The following DLGAP2 variants were observed in gnomAD, a reference collection of about 807,000 sequenced individuals.
DLGAP2 encodes disks large-associated protein 2.
Under a neutral mutation model 100.3 loss-of-function variants are expected in DLGAP2, and 26 were observed. That is an observed-to-expected ratio of 0.26 (90% CI 0.19 to 0.36). The LOEUF (loss-of-function observed/expected upper bound fraction) is 0.36, where lower values mean the gene tolerates loss of function less well. Among genes scored for constraint, DLGAP2 ranks in the 10% least tolerant of loss-of-function variants. The probability of loss-of-function intolerance (pLI) is 1.00; values close to 1 mark genes in which losing one functional copy is unlikely to be tolerated. For synonymous variants in DLGAP2, 886 were observed against 630.1 expected (o/e 1.41, Z -6.08); for missense variants, 1,858 against 1,453.2 (o/e 1.28, Z -4.53).
intron 1 of DLGAP2, among the ~76,000 whole-genome samples, chr8:749,345 A>T (rs1470232291): frequency 6.6e-6 from 1 of 152,232 alleles, no homozygotes; most frequent in Non-Finnish European, 1.5e-5. Context: ...AAGCTAATTA[A>T]TATATTACAA....
chr8:941,065 T>C (rs995261748), intron 2 of DLGAP2, among the ~76,000 whole-genome samples: 1 of 152,154 alleles, frequency 6.6e-6, no homozygotes, highest in Non-Finnish European at 1.5e-5. Context: ...AGCTCAGCAG[T>C]GTGCTTTCAG....
chr8:866,223 C>G (rs1023211253), intron 1 of DLGAP2, among the ~76,000 whole-genome samples: 1 of 152,192 alleles, frequency 6.6e-6, no homozygotes, highest in African/African-American at 2.4e-5. Context: ...GCTTCTTACC[C>G]CAGGCCTGTC....
At chr8:1,599,654 T>C (rs1225969443) in intron 6 of DLGAP2, among the ~76,000 whole-genome samples, 1 of 152,182 alleles carries the variant, frequency 6.6e-6, no homozygotes, top group African/African-American at 2.4e-5. Context: ...TTTTAGATCG[T>C]TGTTGACTTA....
chr8:1,184,064 G>A (rs1436561227), intron 2 of DLGAP2, among the ~76,000 whole-genome samples: 4 of 152,194 alleles, frequency 2.6e-5, no homozygotes, highest in Non-Finnish European at 5.9e-5. Flanking sequence ...GAAAGGCTTT[G>A]GGGAAGCAGT....
intron 1 of DLGAP2, among the ~76,000 whole-genome samples, chr8:776,940 G>T (rs1821536234): frequency 6.6e-6 from 1 of 152,152 alleles, no homozygotes; most frequent in African/African-American, 2.4e-5. Context: ...GTCTAATGTT[G>T]ACAGTGGGGT....
chr8:1,262,297 G>C (rs1322604310), intron 3 of DLGAP2: 2 of 152,138 alleles, frequency 1.3e-5, no homozygotes, highest in Non-Finnish European at 2.9e-5. Context: ...ATCTCAATAT[G>C]CAAATTACTT....
intron 1 of DLGAP2, among the ~76,000 whole-genome samples, chr8:856,920 C>T (rs187470611): frequency 7.2e-5 from 11 of 152,322 alleles, no homozygotes; most frequent in Non-Finnish European, 1.3e-4. Flanking sequence ...CAAGTTAACA[C>T]AGTATTTAAG....
intron 6 of DLGAP2, among the ~76,000 whole-genome samples, chr8:1,624,047 A>G (rs1201065681): frequency 1.3e-5 from 2 of 151,810 alleles, no homozygotes; most frequent in Non-Finnish European, 2.9e-5. Flanking sequence ...CTCAGAGGTG[A>G]TCCCTTCGTT....
intron 3 of DLGAP2, among the ~76,000 whole-genome samples, chr8:1,384,278 T>C (rs12682491): frequency 0.52 from 71,424 of 136,688 alleles, 19,360 homozygotes; most frequent in East Asian, 0.7. Flanking sequence ...GTCGCTGCAC[T>C]CTCCTCTGCC....
intron 2 of DLGAP2, among the ~76,000 whole-genome samples, chr8:1,027,700 C>T (rs1169371381): frequency 1.4e-5 from 2 of 142,576 alleles, no homozygotes; most frequent in African/African-American, 5.3e-5. Flanking sequence ...CGTTATTCTC[C>T]AGGTGGGGTG....
intron 3 of DLGAP2, among the ~76,000 whole-genome samples, chr8:1,431,799 G>T (rs759495989): frequency 1.3e-5 from 2 of 152,160 alleles, no homozygotes; most frequent in East Asian, 1.9e-4. Context: ...ACACTGATGC[G>T]TGCATGACAG....
intron 2 of DLGAP2, among the ~76,000 whole-genome samples, chr8:945,565 TCAGCC>T (rs1448877943): frequency 6.6e-6 from 1 of 152,160 alleles, no homozygotes; most frequent in African/African-American, 2.4e-5. Context: ...CTCTTCTTAC[TCAGCC>T]CGGAGAACAG....
intron 8 of DLGAP2, among the ~76,000 whole-genome samples, chr8:1,665,441 T>C (rs766145968): frequency 6.6e-6 from 1 of 152,248 alleles, no homozygotes; most frequent in Non-Finnish European, 1.5e-5. Context: ...ATATGTGCCA[T>C]CGTTCACTGC....
chr8:1,496,633 A>G (rs979017711), intron 3 of DLGAP2, among the ~76,000 whole-genome samples: 2 of 152,118 alleles, frequency 1.3e-5, no homozygotes, highest in Non-Finnish European at 1.5e-5. Context: ...AAGGGCCATC[A>G]CAGACCCTCT....
chr8:1,308,447 A>G lies in DLGAP2; in HGVS notation c.106+49564A>G, dbSNP rs143766282. The stretch of plus-strand genomic sequence containing the variant: ...AGCCCCTTCTAATATCCAAGTGTCC[A>G]GTTTTCAACAAAATGACTAAAAGAC... On this transcript the variant is annotated intron_variant, in intron 3 of 14. Coordinates refer to ENST00000637795, the MANE Select transcript of DLGAP2 (RefSeq NM_001346810.2). Among the ~76,000 whole-genome samples the G allele has an allele frequency of 5.8e-3, 882 of 152,358 alleles. 6 individuals carry two copies. The highest frequency in any genetic ancestry group is 0.021 in the African/African-American group (854 of 41,580).
intron 4 of DLGAP2, among the ~76,000 whole-genome samples, chr8:1,530,337 G>A (rs1800946596): frequency 6.6e-6 from 1 of 152,170 alleles, no homozygotes; most frequent in Non-Finnish European, 1.5e-5. Flanking sequence ...GCTTTTGAAA[G>A]AAGAGAAATA....
At chr8:1,163,272 G>T (rs1475131640) in intron 2 of DLGAP2, among the ~76,000 whole-genome samples, 1 of 152,210 alleles carries the variant, frequency 6.6e-6, no homozygotes, top group Non-Finnish European at 1.5e-5. Context: ...CCCCTGTTCT[G>T]AGATATTAAA....
intron 3 of DLGAP2, among the ~76,000 whole-genome samples, chr8:1,276,107 A>G (rs981480680): frequency 4.9e-5 from 7 of 142,088 alleles, no homozygotes; most frequent in African/African-American, 1.8e-4. Context: ...ATATATAAAT[A>G]TATATATAAT....
intron 3 of DLGAP2, among the ~76,000 whole-genome samples, chr8:1,361,919 C>T (rs1490890934): frequency 6.6e-6 from 1 of 152,190 alleles, no homozygotes; most frequent in African/African-American, 2.4e-5. Flanking sequence ...CTGTGCTGCC[C>T]CAGCCTGGCA....
Sources: gnomAD v4.1 joint callset for allele counts (sites outside exome capture counted in the v4.1 genomes callset) on GRCh38, gnomAD v4.1.1 for gene constraint, MANE v1.5 for transcripts, NCBI Gene and HGNC (gene_info 2026-07-23, HGNC 2026-07-21) for gene names.